Variants in RAB37 observed in about 807,000 individuals in gnomAD.
The protein encoded by RAB37 is RAB37, member RAS oncogene family.
A neutral mutation model predicts 33.1 loss-of-function variants in RAB37; 29 were observed. The observed-to-expected ratio is 0.88, with a 90% CI of 0.65 to 1.20. The LOEUF is 1.20. Ranked by LOEUF, RAB37 falls within the 50% of genes most tolerant of loss-of-function variation. The probability of loss-of-function intolerance (pLI) is 0.00; values close to 1 mark genes in which losing one functional copy is unlikely to be tolerated. For missense variants in RAB37, 299 were observed against 301.1 expected, an observed-to-expected ratio of 0.99 and a Z score of 0.05; for synonymous variants, 128 against 119.5, an observed-to-expected ratio of 1.07 and a Z score of -0.47.
upstream of RAB37, among the ~76,000 whole-genome samples, chr17:74,733,491 G>GTGTGT (rs1567811766): frequency 7.4e-6 from 1 of 135,474 alleles, no homozygotes; most frequent in Admixed American, 7.5e-5. Flanking sequence ...GAGGTGTGTG[G>GTGTGT]TGTGATTTGA....
chr17:74,671,351 C>A lies in RAB37; in HGVS notation c.-236C>A, dbSNP rs2031699394. On this transcript the variant is annotated 5_prime_UTR_variant, in exon 1 of 8. Coordinates refer to the RAB37 transcript ENST00000340415. This position sits in a 1 kb window ranked among gnomAD's most constrained non-coding sequence, Gnocchi z 5.0. Reference sequence around the variant, plus strand: ...CAGAACTCTGGTCCCGGGCGCACAACGGCGGAGTCGCTGTTCCTGGTGCTG... The same window carrying A: ...CAGAACTCTGGTCCCGGGCGCACAAAGGCGGAGTCGCTGTTCCTGGTGCTG... 1 of 541,502 alleles carries A rather than the reference C, an allele frequency of 1.8e-6. No homozygotes were observed. The highest frequency in any genetic ancestry group is 3.3e-6 in the Non-Finnish European group (1 of 301,922). The allele number at this position is 541,502 out of a possible 1,614,324, so 33.5% of individuals were successfully genotyped here.
intron 1 of RAB37, among the ~76,000 whole-genome samples, chr17:74,689,944 C>T (rs1216261760): frequency 6.6e-6 from 1 of 152,090 alleles, no homozygotes; most frequent in Non-Finnish European, 1.5e-5. Flanking sequence ...CCAAAGCTTA[C>T]AGGCTTATCA....
chr17:74,740,591 C>T (rs3803788), intron 1 of RAB37, among the ~76,000 whole-genome samples, 177 bp from the exon 2 acceptor site: 13,630 of 152,216 alleles, frequency 0.09, 706 homozygotes, highest in East Asian at 0.15. Context: ...AGCCAAGGAG[C>T]GTGGAGAGGA....
intron 1 of RAB37, among the ~76,000 whole-genome samples, chr17:74,727,287 G>A (rs894147567): frequency 3.3e-5 from 5 of 152,278 alleles, no homozygotes; most frequent in Admixed American, 1.3e-4. Flanking sequence ...AAGAGGAGAT[G>A]TGAAGAGGGA....
chr17:74,696,503 A>T (rs1407301255), intron 1 of RAB37, among the ~76,000 whole-genome samples: 1 of 152,176 alleles, frequency 6.6e-6, no homozygotes, highest in African/African-American at 2.4e-5. Context: ...CCTGCCAGCC[A>T]TCGGCTCCCC....
Position 74,744,871 on chromosome 17 carries a change from A to G in RAB37, c.433-2A>G. On this transcript the variant is annotated splice_acceptor_variant, in intron 6 of 8. Transcript: ENST00000392613. LOFTEE classifies it high-confidence loss of function. The surrounding 1 kb of genome is among the most constrained non-coding windows in gnomAD (Gnocchi z 4.2). The stretch of plus-strand genomic sequence containing the variant: ...CCAGAGTGACCCATTTGGGCTTGAC[A>G]GGCGGATATGAGCAGCGAAAGAGTG... 1.2e-6 allele frequency: 2 copies of G among 1,614,282 alleles called. No individual in the cohort carries two copies. The highest frequency in any genetic ancestry group is 1.7e-6 in the Non-Finnish European group (2 of 1,180,046).
chr17:74,736,478 C>A, upstream of RAB37: 3 of 1,368,880 alleles, frequency 2.2e-6, no homozygotes, highest in East Asian at 2.6e-5. Context: ...AAATGATCTA[C>A]GACTTCATGA....
At chr17:74,728,515 T>C (rs1357134184) in intron 1 of RAB37, among the ~76,000 whole-genome samples, 1 of 152,144 alleles carries the variant, frequency 6.6e-6, no homozygotes, top group East Asian at 1.9e-4. Flanking sequence ...TGTGTGTGCA[T>C]GTGTGTTTCT....
chr17:74,737,053 T>C, upstream of RAB37: 1 of 1,608,978 alleles, frequency 6.2e-7, no homozygotes, highest in Non-Finnish European at 8.5e-7. Context: ...CCGGTGTTGC[T>C]CAGGGAGGCT....
At chr17:74,692,374 G>T (rs1360035152) in intron 1 of RAB37, among the ~76,000 whole-genome samples, 1 of 152,072 alleles carries the variant, frequency 6.6e-6, no homozygotes, top group East Asian at 1.9e-4. Context: ...CCCCCAGAGC[G>T]GAAAAGCCCT....
chr17:74,715,566 A>G (rs990452662), intron 1 of RAB37, among the ~76,000 whole-genome samples: 3 of 152,174 alleles, frequency 2.0e-5, no homozygotes, highest in African/African-American at 7.2e-5. Flanking sequence ...CTGCCCTGAA[A>G]AACAAGGGGC....
chr17:74,736,741 G>A (rs960647983), upstream of RAB37: 3 of 1,535,714 alleles, frequency 2.0e-6, no homozygotes, highest in East Asian at 2.4e-5. Context: ...GGCGAGTACG[G>A]GTTGGTAAAC....
chr17:74,743,019 C>T, intron 3 of RAB37, 110 bp from the exon 4 acceptor site: 1 of 934,624 alleles, frequency 1.1e-6, no homozygotes, highest in South Asian at 1.5e-5. Flanking sequence ...AAGAAGAAAA[C>T]AGCCCCACCT....
chr17:74,741,730 A>G (rs1056708927), intron 2 of RAB37, among the ~76,000 whole-genome samples: 3 of 152,210 alleles, frequency 2.0e-5, no homozygotes, highest in African/African-American at 7.2e-5. Context: ...TCAATAGAGA[A>G]AAGGTCTCAC....
chr17:74,705,405 A>T, intron 1 of RAB37: 1 of 527,212 alleles, frequency 1.9e-6, no homozygotes, highest in Non-Finnish European at 3.5e-6. Context: ...CACAGATCCC[A>T]CTTTCTTTAA....
rs745385441 is a variant in RAB37, at chr17:74,744,290, G to C, written c.367-18G>C. On this transcript the variant is annotated intron_variant, in intron 5 of 8. Transcript: ENST00000392613. The surrounding 1 kb of genome is among the most constrained non-coding windows in gnomAD (Gnocchi z 4.2). ...GCAGGAGGAAGAGAATGCCAGTCTC[G>C]CACGCCCTCTCCCACAGGCCTGGCT... 6 of 1,609,626 alleles carry C rather than the reference G, an allele frequency of 3.7e-6. No individual in the cohort carries two copies. In the South Asian group the frequency reaches 6.6e-5, roughly 18 times the overall value.
intron 1 of RAB37, chr17:74,698,553 A>G: frequency 7.0e-7 from 1 of 1,424,228 alleles, no homozygotes; most frequent in Non-Finnish European, 9.6e-7. Context: ...CCACCCACCC[A>G]GCAGCAGGGG....
At chr17:74,674,674 T>A (rs1229219380) in intron 1 of RAB37, among the ~76,000 whole-genome samples, 8 of 151,916 alleles carry the variant, frequency 5.3e-5, no homozygotes, top group Admixed American at 5.2e-4. Context: ...CAAGACTCCA[T>A]CTCAAAAAAA....
intron 3 of RAB37, 101 bp from the exon 4 acceptor site, chr17:74,743,028 C>T: frequency 9.5e-7 from 1 of 1,053,044 alleles, no homozygotes; most frequent in East Asian, 2.4e-5. Context: ...ACAGCCCCAC[C>T]TTCCCACAGA....
Sources: allele counts gnomAD v4.1 joint callset (sites outside exome capture counted in the v4.1 genomes callset), GRCh38; gene constraint gnomAD v4.1.1; non-coding constraint Gnocchi (gnomAD v3.1); transcripts MANE v1.5; gene names NCBI Gene and HGNC (gene_info 2026-07-23, HGNC 2026-07-21).